Variants in TPTE2 observed in about 807,000 individuals in gnomAD.
TPTE2 encodes phosphatidylinositol 3,4,5-trisphosphate 3-phosphatase TPTE2.
In TPTE2, 53 loss-of-function variants were observed where a neutral mutation model predicts 78.6. The observed-to-expected ratio is 0.67, with a 90% confidence interval of 0.54 to 0.85. The LOEUF (loss-of-function observed/expected upper bound fraction) is 0.85, where lower values mean the gene tolerates loss of function less well. Among genes scored for constraint, TPTE2 ranks in the 40% least tolerant of loss-of-function variants. The pLI, the probability that TPTE2 is intolerant of heterozygous loss-of-function variation, is 0.00. For synonymous variants in TPTE2, 175 were observed against 206.2 expected (o/e 0.85, Z 1.30); for missense variants, 461 against 623.0 (o/e 0.74, Z 2.77).
At chr13:19,465,633 G>C (rs1173357160) in intron 7 of TPTE2, 69 bp from the exon 11 acceptor site, 5 of 1,318,126 alleles carry the variant, frequency 3.8e-6, no homozygotes, top group East Asian at 4.9e-5. Flanking sequence ...ACTATGTCTA[G>C]AGCAGCAGTT....
rs1195174204 is a variant in TPTE2 at position 19,432,302 on chromosome 13, T to C, written c.1222+171A>G. ...AGAACATCTCAGGGCTGGCAATCAA[T>C]GGGCAATTGCAGGAGGAGCGGCATA... On this transcript the variant is annotated intron_variant, in intron 16 of 19. Transcript: ENST00000400230. Among the ~76,000 whole-genome samples the C allele has an allele frequency of 2.7e-3, 76 of 28,316 alleles. 1 individual carries two copies. The highest frequency in any genetic ancestry group is 5.2e-3 in the Admixed American group (9 of 1,736). The allele number at this position is 28,316 out of a possible 152,430, so 18.6% of individuals were successfully genotyped here. A position where few individuals can be genotyped will look rare whatever the true frequency, so the allele number is the denominator to read the frequency against.
chr13:19,450,496 G>C (rs1878110164), intron 11 of TPTE2, 152 bp from the exon 15 acceptor site: 1 of 739,534 alleles, frequency 1.4e-6, no homozygotes, highest in Non-Finnish European at 2.1e-6. Flanking sequence ...ATAAACGCAA[G>C]CATTTCAAAA....
intron 1 of TPTE2, among the ~76,000 whole-genome samples, chr13:19,523,209 T>C (rs1350901649): frequency 6.6e-6 from 1 of 152,092 alleles, no homozygotes; most frequent in Non-Finnish European, 1.5e-5. Flanking sequence ...ACCAAGATTG[T>C]AGGATGTTGG....
chr13:19,529,829 C>T (rs1303687500), intron 1 of TPTE2, among the ~76,000 whole-genome samples: 1 of 152,286 alleles, frequency 6.6e-6, no homozygotes, highest in East Asian at 1.9e-4. Flanking sequence ...CACTTAGCAT[C>T]TCATTTTGAA....
intron 13 of TPTE2, among the ~76,000 whole-genome samples, chr13:19,443,768 AC>A (rs1566042342): frequency 2.2e-5 from 3 of 136,910 alleles, no homozygotes; most frequent in Non-Finnish European, 5.0e-5. Context: ...ACACACACAC[AC>A]ACACACACAC....
intron 4 of TPTE2, among the ~76,000 whole-genome samples, chr13:19,477,024 T>G (rs1379609808): frequency 6.6e-6 from 1 of 152,062 alleles, no homozygotes; most frequent in Non-Finnish European, 1.5e-5. Context: ...TGGAATACTA[T>G]GCAGCCATAA....
At chr13:19,477,798 A>G (rs1267720718) in intron 4 of TPTE2, among the ~76,000 whole-genome samples, 1 of 152,240 alleles carries the variant, frequency 6.6e-6, no homozygotes, top group African/African-American at 2.4e-5. Flanking sequence ...AAAGTGTACT[A>G]TGTAAATGCA....
chr13:19,427,383 G>A (rs574534309), intron 17 of TPTE2, among the ~76,000 whole-genome samples: 47 of 151,794 alleles, frequency 3.1e-4, no homozygotes, highest in African/African-American at 1.1e-3. Flanking sequence ...GTGCCCGGCC[G>A]TGAGGCACTT....
chr13:19,464,589 T>G (rs1879146545), intron 9 of TPTE2, 69 bp from the exon 13 acceptor site: 1 of 1,531,686 alleles, frequency 6.5e-7, no homozygotes, highest in East Asian at 2.3e-5. Context: ...AAAATTAATT[T>G]ATACATGATC....
rs116517659 is a variant in TPTE2, at chr13:19,511,070, A to G, written c.-43-7793T>C. Among the ~76,000 whole-genome samples, 367 of 152,332 alleles carry G rather than the reference A, an allele frequency of 2.4e-3. 2 individuals carry two copies. The highest frequency in any genetic ancestry group is 8.2e-3 in the African/African-American group (341 of 41,568). ...AGAGCAATAGGCAGTATTCAGTCAAATTTAAAATGTGCAGTCTCATGGCCC... is the reference window on the plus strand; with the variant it reads ...AGAGCAATAGGCAGTATTCAGTCAAGTTTAAAATGTGCAGTCTCATGGCCC... On this transcript the variant is annotated intron_variant, in intron 1 of 17. Coordinates refer to the TPTE2 transcript ENST00000390680.
At chr13:19,487,037 G>A (rs1337573517) in intron 3 of TPTE2, among the ~76,000 whole-genome samples, 1 of 152,204 alleles carries the variant, frequency 6.6e-6, no homozygotes, top group Non-Finnish European at 1.5e-5. Context: ...TAGTCTGGAG[G>A]TGCATCTGCT....
upstream of TPTE2, among the ~76,000 whole-genome samples, chr13:19,504,525 G>A (rs1868861346): frequency 6.6e-6 from 1 of 152,018 alleles, no homozygotes; most frequent in Admixed American, 6.6e-5. Context: ...ACTGCTCCCT[G>A]TCCACTGCTA....
intron 4 of TPTE2, 99 bp downstream of exon 7, chr13:19,482,389 A>T (rs1347175450): frequency 3.6e-6 from 5 of 1,373,604 alleles, no homozygotes; most frequent in African/African-American, 1.5e-5. Flanking sequence ...ATCTTTCCAT[A>T]GTTTCCCTTT....
chr13:19,561,086 C>A, the TPTE2 span: 1 of 1,599,164 alleles, frequency 6.3e-7, no homozygotes, highest in South Asian at 1.1e-5. Context: ...AGGCCCAGCC[C>A]CCTCCCCATC....
At chr13:19,509,137 T>G (rs976226534) in intron 1 of TPTE2, among the ~76,000 whole-genome samples, 5 of 152,146 alleles carry the variant, frequency 3.3e-5, no homozygotes, top group Non-Finnish European at 5.9e-5. Flanking sequence ...TGAAGCAATA[T>G]TTAGAAGAAA....
intron 4 of TPTE2, among the ~76,000 whole-genome samples, chr13:19,480,898 C>A (rs1382461416): frequency 6.6e-6 from 1 of 152,082 alleles, no homozygotes; most frequent in East Asian, 1.9e-4. Context: ...CAAATATATT[C>A]ATTTTTGTAA....
intron 7 of TPTE2, among the ~76,000 whole-genome samples, chr13:19,465,766 T>G (rs1335394626): frequency 6.6e-6 from 1 of 152,128 alleles, no homozygotes; most frequent in Non-Finnish European, 1.5e-5. Flanking sequence ...GTCTGTGTGT[T>G]ACTTACATCT....
At chr13:19,526,814 A>G (rs1870532287) in intron 1 of TPTE2, among the ~76,000 whole-genome samples, 1 of 152,222 alleles carries the variant, frequency 6.6e-6, no homozygotes, top group Non-Finnish European at 1.5e-5. Flanking sequence ...TGGCACAGTC[A>G]TGAACCAACT....
At chr13:19,423,091 C>A (rs755176905) in exon 20 of TPTE2, 1 of 1,612,768 alleles carries the variant, frequency 6.2e-7, no homozygotes, top group East Asian at 2.2e-5. Context: ...ATCTCCACAG[C>A]AAATTCTGGT....
Sources: allele counts gnomAD v4.1 joint callset (sites outside exome capture counted in the v4.1 genomes callset), GRCh38; gene constraint gnomAD v4.1.1; transcripts MANE v1.5; gene names NCBI Gene and HGNC (gene_info 2026-07-23, HGNC 2026-07-21).